Variants in FBLIM1 observed in about 807,000 individuals in gnomAD.
FBLIM1 encodes the protein filamin-binding LIM protein 1.
Under a neutral mutation model 37.4 loss-of-function variants are expected in FBLIM1, and 29 were observed. The observed-to-expected ratio is 0.77, with a 90% CI of 0.58 to 1.06. The LOEUF (loss-of-function observed/expected upper bound fraction) is 1.06, where lower values mean the gene tolerates loss of function less well. FBLIM1 is among the 50% of genes least tolerant of loss of function. The pLI is 0.00. For missense variants in FBLIM1, 449 were observed against 505.6 expected (o/e 0.89, Z 1.07); for synonymous variants, 193 against 199.0 (o/e 0.97, Z 0.25).
At chr1:15,767,607 G>C in intron 4 of FBLIM1, 44 bp downstream of exon 4, 1 of 708,866 alleles carries the variant, frequency 1.4e-6, no homozygotes. Context: ...TGGTCCCCTT[G>C]GTTGGGGCAC....
At chr1:15,769,651 T>C (rs1569796996) in intron 5 of FBLIM1, among the ~76,000 whole-genome samples, 1 of 152,076 alleles carries the variant, frequency 6.6e-6, no homozygotes, top group East Asian at 1.9e-4. Flanking sequence ...TTATTTTTAT[T>C]TTTTTAGACA....
chr1:15,764,924 C>T, intron 2 of FBLIM1, 40 bp from the exon 3 acceptor site: 1 of 1,543,762 alleles, frequency 6.5e-7, no homozygotes. Context: ...GGCTGTGTGT[C>T]TGGGTGGCAA....
rs1569742560 is a variant in FBLIM1 at position 15,765,037 on chromosome 1, A to G, written c.54A>G (p.Ala18=). ...CATCGTCTGTCTTTATCACCCTGGCACCCCCGCGCCGCGATGTGGCCGTGG... is the reference window on the plus strand; with the variant it reads ...CATCGTCTGTCTTTATCACCCTGGCGCCCCCGCGCCGCGATGTGGCCGTGG... ...RVASSVFITL[A]PPRRDVAVAE... Residue 18 remains alanine, a synonymous_variant, in exon 3 of 9, where the codon GCA becomes GCG. Transcript: ENST00000375766. This position sits in a 1 kb window ranked among gnomAD's most constrained non-coding sequence, Gnocchi z 5.9. 6.2e-7 allele frequency: 1 copy of G among 1,612,918 alleles called. No homozygotes were observed. Among genetic ancestry groups the G allele is most frequent in the South Asian group, 1.1e-5 (1 of 90,968 alleles).
chr1:15,784,666 G>C lies in FBLIM1; in HGVS notation c.*5G>C. ...AGTGCTGCGGGGTGCTGCTGAGAGT[G>C]CCCGCTGGGCAGTGAACAGACCACT... On this transcript the variant is annotated 3_prime_UTR_variant, in exon 9 of 9. Transcript: ENST00000375766. 1 of 1,612,824 alleles carries C rather than the reference G, an allele frequency of 6.2e-7. No homozygotes were observed.
intron 8 of FBLIM1, among the ~76,000 whole-genome samples, chr1:15,781,885 A>ATT (rs35254883): frequency 6.7e-6 from 1 of 149,484 alleles, no homozygotes. Context: ...CGCCTGGCTA[A>ATT]TTTTTTGTAT....
At chr1:15,780,477 G>A (rs866507683) in intron 8 of FBLIM1, among the ~76,000 whole-genome samples, 6 of 152,238 alleles carry the variant, frequency 3.9e-5, no homozygotes, top group African/African-American at 1.4e-4. Context: ...TGGGTGGCGT[G>A]AGCCACCACA....
intron 4 of FBLIM1, among the ~76,000 whole-genome samples, chr1:15,768,118 C>T (rs956643507): frequency 6.6e-6 from 1 of 152,090 alleles, no homozygotes; most frequent in Non-Finnish European, 1.5e-5. Flanking sequence ...ACTTACCTCA[C>T]GTGATCCGCA....
intron 8 of FBLIM1, among the ~76,000 whole-genome samples, chr1:15,781,105 A>C (rs1569874025): frequency 6.6e-6 from 1 of 152,224 alleles, no homozygotes; most frequent in Admixed American, 6.6e-5. Context: ...ATGGTGGCTC[A>C]TGCTGGTGAT....
chr1:15,779,199 G>A (rs1224328236), intron 8 of FBLIM1, among the ~76,000 whole-genome samples: 1 of 151,924 alleles, frequency 6.6e-6, no homozygotes, highest in Non-Finnish European at 1.5e-5. Flanking sequence ...GCCTCCCAAA[G>A]TGCTGGGATT....
Position 15,779,746 on chromosome 1 carries a change from C to T in FBLIM1, c.1008+2459C>T, listed in dbSNP as rs1457072314. On this transcript the variant is annotated intron_variant, in intron 8 of 8. Transcript: ENST00000375766. ...CAGAGAGGGGTCAGGCTGAGATGGGCGAGCTGATTAGAAGCTGGTGCAGTT... is the reference window on the plus strand; with the variant it reads ...CAGAGAGGGGTCAGGCTGAGATGGGTGAGCTGATTAGAAGCTGGTGCAGTT... Among the ~76,000 whole-genome samples the T allele has an allele frequency of 7.2e-5, 11 of 152,168 alleles. 1 individual carries two copies. The highest frequency in any genetic ancestry group is 4.1e-4 in the South Asian group (2 of 4,822).
chr1:15,781,726 T>G (rs561197248), intron 8 of FBLIM1, among the ~76,000 whole-genome samples: 2 of 147,300 alleles, frequency 1.4e-5, no homozygotes, highest in East Asian at 2.0e-4. Flanking sequence ...TTGTTTTTTT[T>G]TTTTTTTTTT....
At chr1:15,784,458 G>T in intron 8 of FBLIM1, 90 bp from the exon 9 acceptor site, 2 of 997,612 alleles carry the variant, frequency 2.0e-6, no homozygotes, top group South Asian at 2.9e-5. Flanking sequence ...TCATGCAGTT[G>T]GTTTATTCGG....
intron 8 of FBLIM1, among the ~76,000 whole-genome samples, chr1:15,782,983 A>G (rs1217890171): frequency 6.6e-6 from 1 of 151,952 alleles, no homozygotes; most frequent in Non-Finnish European, 1.5e-5. Flanking sequence ...TTTAGTAGAG[A>G]CGGGGTTTCA....
chr1:15,756,754 C>T (rs1178149538), upstream of FBLIM1: 1 of 152,872 alleles, frequency 6.5e-6, no homozygotes. Flanking sequence ...CAGTTGAACC[C>T]CTCATTCCCC....
At chr1:15,777,102 C>A in intron 7 of FBLIM1, 68 bp from the exon 8 acceptor site, 1 of 1,318,504 alleles carries the variant, frequency 7.6e-7, no homozygotes, top group Admixed American at 1.9e-5. Flanking sequence ...AGCCCGAGTT[C>A]TGACAGCTAA....
rs763881847 is a variant in FBLIM1, at chr1:15,770,533, C to G, written c.666C>G (p.Ser222Arg). ...GCCGCCGCCAGCTGGCTGGGCAGAG[C>G]TTCTACCAGAAGGATGGGCGACCCC... is the stretch of plus-strand genomic sequence containing the variant. ...RTCRRQLAGQ[S>R]FYQKDGRPLC... Residue 222 changes from serine to arginine, a missense_variant, in exon 6 of 9, where the codon AGC becomes AGG. Ser to Arg is a moderately radical substitution (Grantham distance 110). Transcript: ENST00000375766. The G allele has an allele frequency of 6.2e-7, 1 of 1,613,972 alleles. No homozygotes were observed. Among genetic ancestry groups the G allele is most frequent in the Non-Finnish European group, 8.5e-7 (1 of 1,179,998 alleles).
At position 15,765,370 on chromosome 1, in the gene FBLIM1, C is replaced by A; in HGVS notation, c.250+137C>A. On this transcript the variant is annotated intron_variant, in intron 3 of 8. Transcript: ENST00000375766. This position sits in a 1 kb window ranked among gnomAD's most constrained non-coding sequence, Gnocchi z 5.9. Reference sequence around the variant, plus strand: ...CATCAACGGGAAACAAAAAGATGTGCCCCTTCTGGGTGGGCAAGGGAGCCC... The same window carrying A: ...CATCAACGGGAAACAAAAAGATGTGACCCTTCTGGGTGGGCAAGGGAGCCC... 1 of 1,279,762 alleles carries A rather than the reference C, an allele frequency of 7.8e-7. No homozygotes were observed. Among genetic ancestry groups the A allele is most frequent in the Non-Finnish European group, 1.1e-6 (1 of 948,228 alleles). 79.3% of individuals were successfully genotyped at this position (1,279,762 alleles called of 1,614,324 possible). A position where few individuals can be genotyped will look rare whatever the true frequency, so the allele number is the denominator to read the frequency against.
chr1:15,760,990 G>T (rs1557682848), intron 1 of FBLIM1, among the ~76,000 whole-genome samples: 4 of 152,182 alleles, frequency 2.6e-5, no homozygotes, highest in Admixed American at 2.6e-4. Flanking sequence ...ACCCCCTGGG[G>T]CCTGAGGTCC....
At chr1:15,775,426 T>C (rs1290260186) in intron 7 of FBLIM1, among the ~76,000 whole-genome samples, 1 of 151,090 alleles carries the variant, frequency 6.6e-6, no homozygotes, top group Non-Finnish European at 1.5e-5. Flanking sequence ...TCCCAGCTAC[T>C]TGGGAGGCTG....
Sources: allele counts gnomAD v4.1 joint callset (sites outside exome capture counted in the v4.1 genomes callset), GRCh38; gene constraint gnomAD v4.1.1; non-coding constraint Gnocchi (gnomAD v3.1); transcripts MANE v1.5; gene names NCBI Gene and HGNC (gene_info 2026-07-23, HGNC 2026-07-21).